The following ZFP64 variants were observed in gnomAD, a reference collection of about 807,000 sequenced individuals.
ZFP64 encodes the protein ZFP64 zinc finger protein.
ZFP64 carries 14 observed loss-of-function variants against 51.6 expected under a neutral mutation model. The ratio of observed to expected loss-of-function variants is 0.27; its 90% CI spans 0.18 to 0.42. ZFP64 has a LOEUF of 0.42. Ranked by LOEUF, ZFP64 falls within the 10% of genes least tolerant of loss-of-function variation. The pLI is 1.00. For synonymous variants in ZFP64, 375 were observed against 361.4 expected (o/e 1.04, Z -0.43); for missense variants, 754 against 906.8 (o/e 0.83, Z 2.16).
chr20:52,113,422 CTTTTTTTTTT>C (rs936439409), intron 5 of ZFP64, among the ~76,000 whole-genome samples: 19 of 96,520 alleles, frequency 2.0e-4, no homozygotes, highest in Admixed American at 6.5e-4. Flanking sequence ...GCCAGGAATT[CTTTTTTTTTT>C]TTTTTTTTTT....
downstream of ZFP64, among the ~76,000 whole-genome samples, chr20:52,148,193 T>C (rs1010905183): frequency 6.6e-6 from 1 of 152,186 alleles, no homozygotes; most frequent in African/African-American, 2.4e-5. Context: ...GTCTAAAAGA[T>C]TAAGCTTACC....
At chr20:52,093,141 A>C (rs1208881583) in intron 7 of ZFP64, among the ~76,000 whole-genome samples, 4 of 151,866 alleles carry the variant, frequency 2.6e-5, no homozygotes, top group African/African-American at 9.7e-5. Context: ...ATTAAAAAAA[A>C]AATTTTTTTT....
intron 7 of ZFP64, among the ~76,000 whole-genome samples, chr20:52,090,758 C>T (rs2122712666): frequency 6.6e-6 from 1 of 151,154 alleles, no homozygotes; most frequent in East Asian, 1.9e-4. Flanking sequence ...GAGATCGTGC[C>T]ACTGCACTCC....
rs1202143373 is a variant in ZFP64 at position 52,153,599 on chromosome 20, T to C, written c.764-171A>G. ...GGAAGAGGGGCAGGGCGTCTTTATCTTTCCCCGGAACCCAAACCACCACCA... is the reference window on the plus strand; with the variant it reads ...GGAAGAGGGGCAGGGCGTCTTTATCCTTCCCCGGAACCCAAACCACCACCA... On this transcript the variant is annotated intron_variant, in intron 5 of 5. Transcript: ENST00000216923. The surrounding 1 kb of genome is among the most constrained non-coding windows in gnomAD (Gnocchi z 5.1). 1.3e-5 allele frequency among the ~76,000 whole-genome samples: 2 copies of C among 152,266 alleles called. No individual in the cohort carries two copies. Among genetic ancestry groups the C allele is most frequent in the East Asian group, 3.9e-4 (2 of 5,184 alleles).
intron 5 of ZFP64, among the ~76,000 whole-genome samples, chr20:52,123,912 C>T (rs1979319568): frequency 6.6e-6 from 1 of 151,988 alleles, no homozygotes. Context: ...CTCTGTCACC[C>T]AGGCTCAAGT....
chr20:52,100,986 C>T (rs2079044058), intron 5 of ZFP64, among the ~76,000 whole-genome samples: 1 of 152,184 alleles, frequency 6.6e-6, no homozygotes, highest in South Asian at 2.1e-4. Flanking sequence ...TCCAGTGGCT[C>T]TCAACTGGGG....
chr20:52,153,115 G>A lies in ZFP64; in HGVS notation c.1077C>T (p.Arg359=), dbSNP rs752540479. The A allele has an allele frequency of 3.7e-6, 6 of 1,614,132 alleles. No individual in the cohort carries two copies. Among genetic ancestry groups the A allele is most frequent in the Non-Finnish European group, 4.2e-6 (5 of 1,180,058 alleles). Reference sequence around the variant, plus strand: ...CGGTGCAGTGGATACGCTCGTGGATGCGCAGGGCGGCCTTGCTGGAGCAGG... The same window carrying A: ...CGGTGCAGTGGATACGCTCGTGGATACGCAGGGCGGCCTTGCTGGAGCAGG... The part of the protein sequence containing the change: ...SYSCSSKAAL[R]IHERIHCTDR... Residue 359 remains arginine (R), a synonymous_variant, in exon 6 of 6, where the codon CGC becomes CGT. Transcript: ENST00000216923. The surrounding 1 kb of genome is among the most constrained non-coding windows in gnomAD (Gnocchi z 5.1).
At chr20:52,122,877 G>C (rs1402149132) in intron 5 of ZFP64, among the ~76,000 whole-genome samples, 3 of 152,210 alleles carry the variant, frequency 2.0e-5, no homozygotes, top group African/African-American at 7.2e-5. Context: ...GTGGCTTCTT[G>C]AGATGAAATC....
At chr20:52,088,426 G>A (rs1351340279) in exon 8 of ZFP64, 1 of 1,611,004 alleles carries the variant, frequency 6.2e-7, no homozygotes, top group Admixed American at 1.7e-5. Flanking sequence ...TGAGCTGGCT[G>A]GAGTTGCGGC....
At chr20:52,119,565 T>C (rs1350355134) in intron 5 of ZFP64, among the ~76,000 whole-genome samples, 1 of 89,098 alleles carries the variant, frequency 1.1e-5, no homozygotes, top group Non-Finnish European at 2.5e-5. Context: ...CATATATATA[T>C]ATACACACAC....
chr20:52,093,643 T>C (rs2078953455), intron 7 of ZFP64, among the ~76,000 whole-genome samples: 1 of 152,264 alleles, frequency 6.6e-6, no homozygotes, highest in African/African-American at 2.4e-5. Context: ...CACATTACAC[T>C]CATTGTAGTT....
chr20:52,140,654 A>G (rs745359086), intron 5 of ZFP64, among the ~76,000 whole-genome samples: 2 of 152,228 alleles, frequency 1.3e-5, no homozygotes, highest in Non-Finnish European at 2.9e-5. Flanking sequence ...CCATCTCCAC[A>G]TCGTAAAAGT....
intron 5 of ZFP64, among the ~76,000 whole-genome samples, chr20:52,099,789 G>T (rs966870341): frequency 6.6e-6 from 1 of 152,202 alleles, no homozygotes; most frequent in Non-Finnish European, 1.5e-5. Context: ...TGGATCAATG[G>T]ATGAGAATTC....
chr20:52,147,063 A>ATTTTTATG (rs2122932557), downstream of ZFP64, among the ~76,000 whole-genome samples: 1 of 152,372 alleles, frequency 6.6e-6, no homozygotes, highest in African/African-American at 2.4e-5. Flanking sequence ...CTGATAAGTA[A>ATTTTTATG]AACTGCATCA....
intron 5 of ZFP64, chr20:52,104,711 G>A (rs1978294153): frequency 2.1e-6 from 1 of 480,934 alleles, no homozygotes; most frequent in Non-Finnish European, 4.3e-6. Flanking sequence ...GCTCCTCGGT[G>A]AGGCCTTCCC....
intron 5 of ZFP64, among the ~76,000 whole-genome samples, chr20:52,125,523 T>G (rs1443690001): frequency 6.6e-6 from 1 of 152,256 alleles, no homozygotes; most frequent in Non-Finnish European, 1.5e-5. Flanking sequence ...ATGCTGCTAC[T>G]GTGAACAAAT....
intron 5 of ZFP64, among the ~76,000 whole-genome samples, chr20:52,139,594 A>G (rs748820417): frequency 2.0e-4 from 31 of 152,152 alleles, no homozygotes; most frequent in Non-Finnish European, 4.3e-4. Context: ...CCCAAACCCC[A>G]GTGACATGCA....
chr20:52,132,031 C>T (rs1979747095), intron 5 of ZFP64, among the ~76,000 whole-genome samples: 1 of 152,018 alleles, frequency 6.6e-6, no homozygotes, highest in Non-Finnish European at 1.5e-5. Flanking sequence ...TCTTCTCTGA[C>T]CACAATGGGA....
chr20:52,116,388 G>A (rs553667408), intron 5 of ZFP64, among the ~76,000 whole-genome samples: 9 of 151,176 alleles, frequency 6.0e-5, no homozygotes, highest in African/African-American at 1.7e-4. Flanking sequence ...CGCTTGCCTC[G>A]GCCTCCCAAA....
Sources: allele counts gnomAD v4.1 joint callset (sites outside exome capture counted in the v4.1 genomes callset), GRCh38; gene constraint gnomAD v4.1.1; non-coding constraint Gnocchi (gnomAD v3.1); transcripts MANE v1.5; gene names NCBI Gene and HGNC (gene_info 2026-07-23, HGNC 2026-07-21).